TMEM74: variants seen among roughly 807,000 people sequenced by gnomAD.
The protein encoded by TMEM74 is transmembrane protein 74.
In TMEM74, 13 loss-of-function variants were observed where a neutral mutation model predicts 18.1. That is an observed-to-expected ratio of 0.72 (90% CI 0.47 to 1.14). The LOEUF (loss-of-function observed/expected upper bound fraction) is 1.14, where lower values mean the gene tolerates loss of function less well. TMEM74 is among the 50% of genes most tolerant of loss of function. The pLI is 0.00. For missense variants in TMEM74, 372 were observed against 375.9 expected, an observed-to-expected ratio of 0.99 and a Z score of 0.09; for synonymous variants, 159 against 146.6, an observed-to-expected ratio of 1.08 and a Z score of -0.61.
intron 1 of TMEM74, among the ~76,000 whole-genome samples, chr8:108,692,945 A>C (rs1355278649): frequency 1.3e-5 from 2 of 152,204 alleles, no homozygotes; most frequent in African/African-American, 4.8e-5. Flanking sequence ...GGATTATACA[A>C]TCTAGGAAGG....
intron 1 of TMEM74, among the ~76,000 whole-genome samples, chr8:108,773,679 T>G (rs975992546): frequency 6.6e-5 from 10 of 152,154 alleles, no homozygotes; most frequent in Admixed American, 4.6e-4. Context: ...CCAGCAGCCT[T>G]GTTTGGAGGA....
At chr8:108,635,730 T>C (rs1812601059) in intron 2 of TMEM74, among the ~76,000 whole-genome samples, 1 of 152,086 alleles carries the variant, frequency 6.6e-6, no homozygotes, top group Non-Finnish European at 1.5e-5. Flanking sequence ...TTTCTCTGAC[T>C]ATTCCAGCCT....
chr8:108,676,118 G>A (rs906570334), intron 1 of TMEM74, among the ~76,000 whole-genome samples: 1 of 152,162 alleles, frequency 6.6e-6, no homozygotes, highest in Non-Finnish European at 1.5e-5. Context: ...TTATTGTAAA[G>A]GAGTGGGGAA....
At chr8:108,660,682 T>C (rs1812891606) in intron 1 of TMEM74, among the ~76,000 whole-genome samples, 1 of 152,214 alleles carries the variant, frequency 6.6e-6, no homozygotes, top group Non-Finnish European at 1.5e-5. Context: ...ATAAAATGAC[T>C]TAAACACATC....
At chr8:108,697,479 T>C (rs2130612293) in intron 1 of TMEM74, among the ~76,000 whole-genome samples, 1 of 152,304 alleles carries the variant, frequency 6.6e-6, no homozygotes, top group East Asian at 1.9e-4. Flanking sequence ...GGCAGTGGCA[T>C]GATCATGGCT....
At position 108,718,010 on chromosome 8, in the gene TMEM74, G is replaced by C. The variant is rs574671493; in HGVS notation, n.120-62573C>G. On this transcript the variant is annotated intron_variant and non_coding_transcript_variant, in intron 1 of 3. Transcript: ENST00000518838. ...GTCTCGCTCTGTCACCCAGGCTGGA[G>C]TGCAGTGGCGGGATCTCGGCTCACT... 3.6e-4 allele frequency among the ~76,000 whole-genome samples: 34 copies of C among 95,290 alleles called. 5 individuals carry two copies. The highest frequency in any genetic ancestry group is 4.9e-4 in the Non-Finnish European group (28 of 56,970). The allele number at this position is 95,290 out of a possible 152,430, so 62.5% of individuals were successfully genotyped here.
Position 108,727,082 on chromosome 8 carries a change from C to A in TMEM74, n.119+60394G>T, listed in dbSNP as rs1371150493. 3.3e-5 allele frequency among the ~76,000 whole-genome samples: 5 copies of A among 151,974 alleles called. No individual in the cohort carries two copies. The East Asian group carries it at 9.6e-4, about 29-fold the overall frequency. ...AGTCCAATGTTGAAAAACCAGGGGG[C>A]CATTGTGGCTGAAGCAAAATGAGCA... On this transcript the variant is annotated intron_variant and non_coding_transcript_variant, in intron 1 of 3. Transcript: ENST00000518838.
In TMEM74 at chr8:108,761,918, C is replaced by T. The variant is rs1424817070; in HGVS notation, n.119+25558G>A. ...AACACAAAACAGACCCGCCACAGGG[C>T]TTGGAGCCCTCCTGTAAGGTTTTGG... On this transcript the variant is annotated intron_variant and non_coding_transcript_variant, in intron 1 of 3. Coordinates refer to the TMEM74 transcript ENST00000518838. Among the ~76,000 whole-genome samples the T allele has an allele frequency of 2.0e-5, 3 of 152,330 alleles. No homozygotes were observed. In the East Asian group the frequency reaches 5.8e-4, roughly 29 times the overall value.
chr8:108,780,890 G>A lies in TMEM74; in HGVS notation c.*3291C>T, dbSNP rs1260270743. ...TGATCTGCTTTAAGAGCTCCCAATG[G>A]GTGGGAAGGACACACAGCGCTGCAA... On this transcript the variant is annotated 3_prime_UTR_variant, in exon 2 of 2. Coordinates refer to ENST00000297459, the MANE Select transcript of TMEM74 (RefSeq NM_153015.3). Among the ~76,000 whole-genome samples the A allele has an allele frequency of 6.6e-6, 1 of 152,098 alleles. No homozygotes were observed. Among genetic ancestry groups the A allele is most frequent in the African/African-American group, 2.4e-5 (1 of 41,420 alleles).
At chr8:108,752,516 T>C (rs1374600962) in intron 1 of TMEM74, among the ~76,000 whole-genome samples, 3 of 152,162 alleles carry the variant, frequency 2.0e-5, no homozygotes, top group Non-Finnish European at 2.9e-5. Flanking sequence ...CAAGTATGCT[T>C]CACTGTCCAC....
At chr8:108,664,417 G>A (rs1198749417) in intron 1 of TMEM74, among the ~76,000 whole-genome samples, 1 of 151,944 alleles carries the variant, frequency 6.6e-6, no homozygotes, top group Non-Finnish European at 1.5e-5. Flanking sequence ...TCTTAATTTG[G>A]TTTTCAGCTT....
chr8:108,684,303 G>T (rs909733325), intron 1 of TMEM74, among the ~76,000 whole-genome samples: 3 of 152,022 alleles, frequency 2.0e-5, no homozygotes, highest in African/African-American at 7.2e-5. Context: ...ATCCTAAGTG[G>T]GGTGAGATGG....
chr8:108,654,747 T>C (rs1812804909), intron 2 of TMEM74, among the ~76,000 whole-genome samples: 1 of 143,596 alleles, frequency 7.0e-6, no homozygotes, highest in Non-Finnish European at 1.5e-5. Flanking sequence ...CTTTGTCCTT[T>C]TTACCAAGTG....
intron 1 of TMEM74, among the ~76,000 whole-genome samples, chr8:108,717,218 G>A (rs751899807): frequency 9.9e-5 from 15 of 151,698 alleles, no homozygotes; most frequent in Non-Finnish European, 1.9e-4. Flanking sequence ...AAATAATAAA[G>A]GAGTTACTCA....
chr8:108,662,748 G>A (rs1456094047), intron 1 of TMEM74, among the ~76,000 whole-genome samples: 6 of 152,112 alleles, frequency 3.9e-5, no homozygotes, highest in East Asian at 1.9e-4. Context: ...CACAATTTAT[G>A]CATAAAAAGC....
chr8:108,644,723 A>C (rs1812700153), intron 2 of TMEM74, among the ~76,000 whole-genome samples: 1 of 152,194 alleles, frequency 6.6e-6, no homozygotes, highest in Non-Finnish European at 1.5e-5. Flanking sequence ...AAGAAGACAT[A>C]CAGTGGCCAA....
At chr8:108,613,633 C>T (rs1586233854) in intron 2 of TMEM74, among the ~76,000 whole-genome samples, 1 of 152,170 alleles carries the variant, frequency 6.6e-6, no homozygotes, top group Admixed American at 6.5e-5. Flanking sequence ...ATTTAGACCA[C>T]GTTGTTTCCC....
intron 1 of TMEM74, among the ~76,000 whole-genome samples, chr8:108,734,457 C>G (rs995021215): frequency 1.3e-5 from 2 of 152,038 alleles, no homozygotes; most frequent in African/African-American, 4.8e-5. Flanking sequence ...TGGTTCTGTC[C>G]CTGTGAAGAA....
chr8:108,671,377 T>C (rs1874679), intron 1 of TMEM74, among the ~76,000 whole-genome samples: 4,469 of 152,266 alleles, frequency 0.029, 122 homozygotes, highest in African/African-American at 0.066. Flanking sequence ...TTGCCAAGGT[T>C]AGAAGGCCCC....
Sources: gnomAD v4.1 joint callset for allele counts (sites outside exome capture counted in the v4.1 genomes callset) on GRCh38, gnomAD v4.1.1 for gene constraint, MANE v1.5 for transcripts, NCBI Gene and HGNC (gene_info 2026-07-23, HGNC 2026-07-21) for gene names.